ZSCAN5A: variants seen among roughly 807,000 people sequenced by gnomAD.
The protein encoded by ZSCAN5A is zinc finger and SCAN domain-containing protein 5A.
In ZSCAN5A, 12 loss-of-function variants were observed where a neutral mutation model predicts 23.7. The observed-to-expected ratio is 0.51, with a 90% CI of 0.32 to 0.82. The LOEUF is 0.82. Ranked by LOEUF, ZSCAN5A falls within the 40% of genes least tolerant of loss-of-function variation. The pLI, the probability that ZSCAN5A is intolerant of heterozygous loss-of-function variation, is 0.03. For missense variants in ZSCAN5A, 597 were observed against 617.9 expected (o/e 0.97, Z 0.36); for synonymous variants, 257 against 239.9 (o/e 1.07, Z -0.66).
chr19:56,344,491 G>A (rs2041616183), intron 2 of ZSCAN5A, among the ~76,000 whole-genome samples: 2 of 152,172 alleles, frequency 1.3e-5, no homozygotes, highest in African/African-American at 2.4e-5. Context: ...GCAAACAAAG[G>A]GCCAGGCATG....
At chr19:56,320,856 A>G in intron 2 of ZSCAN5A, 1 of 773,372 alleles carries the variant, frequency 1.3e-6, no homozygotes, top group Non-Finnish European at 2.4e-6. Flanking sequence ...TCAAGTCCAT[A>G]ATCCTGGACA....
At chr19:56,312,911 T>G (rs771584052) in intron 2 of ZSCAN5A, among the ~76,000 whole-genome samples, 7 of 152,246 alleles carry the variant, frequency 4.6e-5, no homozygotes, top group Non-Finnish European at 8.8e-5. Flanking sequence ...ACAGAAATCC[T>G]GCAACCATAG....
At chr19:56,245,622 G>C (rs2035821463) in intron 2 of ZSCAN5A, among the ~76,000 whole-genome samples, 1 of 152,178 alleles carries the variant, frequency 6.6e-6, no homozygotes. Context: ...CACCATGAGA[G>C]CTTTTAGCAT....
intron 2 of ZSCAN5A, among the ~76,000 whole-genome samples, chr19:56,262,551 T>G (rs1361311618): frequency 6.6e-6 from 1 of 151,884 alleles, no homozygotes; most frequent in Middle Eastern, 3.2e-3. Flanking sequence ...CCTCCCAGTA[T>G]CCCAAGTAAC....
chr19:56,353,037 G>T (rs2041677676), intron 2 of ZSCAN5A, among the ~76,000 whole-genome samples: 1 of 152,230 alleles, frequency 6.6e-6, no homozygotes, highest in African/African-American at 2.4e-5. Context: ...GCATACTCAA[G>T]TGTGATAACT....
At chr19:56,321,477 C>T (rs2041374986) in intron 2 of ZSCAN5A, 1 of 693,290 alleles carries the variant, frequency 1.4e-6, no homozygotes, top group Admixed American at 2.2e-5. Context: ...TGTCAAATTC[C>T]TGCCCTGTGA....
chr19:56,290,002 A>G (rs1377027717), intron 2 of ZSCAN5A, among the ~76,000 whole-genome samples: 1 of 152,220 alleles, frequency 6.6e-6, no homozygotes, highest in African/African-American at 2.4e-5. Flanking sequence ...ACCTGCCTCT[A>G]TTATATAACT....
At chr19:56,349,942 C>T (rs2147458333) in intron 2 of ZSCAN5A, among the ~76,000 whole-genome samples, 1 of 152,262 alleles carries the variant, frequency 6.6e-6, no homozygotes, top group South Asian at 2.1e-4. Context: ...CTTTGTAAAT[C>T]CCCAAAGGGA....
At chr19:56,357,139 G>A (rs1013411060) in intron 2 of ZSCAN5A, among the ~76,000 whole-genome samples, 2 of 148,612 alleles carry the variant, frequency 1.3e-5, no homozygotes, top group Admixed American at 6.6e-5. Context: ...TGTCTGTGAC[G>A]TGTCTGTTTT....
intron 2 of ZSCAN5A, among the ~76,000 whole-genome samples, chr19:56,336,003 G>A (rs1238550033): frequency 1.3e-5 from 2 of 152,148 alleles, no homozygotes; most frequent in Admixed American, 6.5e-5. Flanking sequence ...CTTTCTCTCT[G>A]GCTGCCCTTA....
At chr19:56,314,504 C>A (rs1054220081) in intron 1 of ZSCAN5A, 177 bp downstream of exon 1, 1 of 152,348 alleles carries the variant, frequency 6.6e-6, no homozygotes, top group South Asian at 2.1e-4. Context: ...CACAAACAGC[C>A]CGCAAGGTCA....
In ZSCAN5A at chr19:56,222,103, G is replaced by C; in HGVS notation, c.963C>G (p.Asn321Lys). 6.2e-7 allele frequency: 1 copy of C among 1,614,172 alleles called. No individual in the cohort carries two copies. Reference protein sequence around the residue: ...EPQGEATPVGNRESPGQAGMN... With the variant: ...EPQGEATPVGKRESPGQAGMN... ...TCCCAGCTTGTCCCGGGGATTCTCT[G>C]TTGCCCACAGGTGTGGCTTCTCCTT... is the stretch of plus-strand genomic sequence containing the variant. Residue 321 changes from asparagine (N) to lysine (K), a missense_variant, in exon 6 of 6, where the codon AAC becomes AAG. Physicochemically the swap from Asn to Lys is moderately conservative, Grantham distance 94 (BLOSUM62 0). Around this residue, in one of 5 missense-constraint regions of ZSCAN5A, gnomAD observed 406 missense variants for 353.2 expected, o/e 1.15. Transcript: ENST00000683990.
intron 2 of ZSCAN5A, among the ~76,000 whole-genome samples, chr19:56,308,470 T>C (rs1341928290): frequency 1.3e-5 from 2 of 151,968 alleles, no homozygotes; most frequent in Non-Finnish European, 2.9e-5. Flanking sequence ...ATTACAGGCA[T>C]GCACCACCAC....
At chr19:56,321,046 T>C (rs2041370131) in intron 2 of ZSCAN5A, 5 of 705,752 alleles carry the variant, frequency 7.1e-6, no homozygotes, top group East Asian at 2.8e-5. Flanking sequence ...CTCACTGACA[T>C]GGACAACATG....
intron 2 of ZSCAN5A, among the ~76,000 whole-genome samples, chr19:56,276,319 C>T (rs143613128): frequency 6.6e-6 from 1 of 152,224 alleles, no homozygotes; most frequent in East Asian, 1.9e-4. Flanking sequence ...CCCTCCTTCA[C>T]TCCTTTGTCT....
chr19:56,350,987 G>A (rs958747851), intron 2 of ZSCAN5A, among the ~76,000 whole-genome samples: 1 of 151,830 alleles, frequency 6.6e-6, no homozygotes, highest in African/African-American at 2.4e-5. Context: ...AGGCCCAATT[G>A]CTGTCCCCCC....
intron 2 of ZSCAN5A, chr19:56,302,079 A>C: frequency 8.1e-7 from 1 of 1,231,822 alleles, no homozygotes; most frequent in Admixed American, 4.2e-5. Context: ...TTCGTATCCT[A>C]CAACAAAGGG....
intron 2 of ZSCAN5A, chr19:56,247,359 C>A (rs762174691): frequency 8.8e-6 from 2 of 227,670 alleles, no homozygotes; most frequent in Non-Finnish European, 1.8e-5. Flanking sequence ...AGAACCTGAA[C>A]GAGCACAAGC....
In ZSCAN5A at chr19:56,222,005, G is replaced by C. The variant is rs61736533; in HGVS notation, c.1061C>G (p.Pro354Arg). The change falls in exon 6 of 6, where the codon CCG becomes CGG. Residue 354 changes from proline to arginine, a missense_variant. Physicochemically the swap from Pro to Arg is moderately radical, Grantham distance 103 (BLOSUM62 -2). Transcript: ENST00000683990. ...CTCGCACACGTCACATGCAAAGGGC[G>C]GCAGTGCCTTGGCTTCTTGGCCATC... ...HPDGQEAKAL[P>R]PFACDVCEKR... The C allele has an allele frequency of 6.2e-7, 1 of 1,614,056 alleles. No homozygotes were observed. Among genetic ancestry groups the C allele is most frequent in the African/African-American group, 1.3e-5 (1 of 74,904 alleles).
Sources: allele counts gnomAD v4.1 joint callset (sites outside exome capture counted in the v4.1 genomes callset), GRCh38; gene constraint gnomAD v4.1.1; regional missense constraint gnomAD v4.1.1; transcripts MANE v1.5; gene names NCBI Gene and HGNC (gene_info 2026-07-23, HGNC 2026-07-21).